Variants in SEPTIN9 observed in about 807,000 individuals in gnomAD.
SEPTIN9 encodes the protein septin-9.
A neutral mutation model predicts 56.6 loss-of-function variants in SEPTIN9; 13 were observed. That is an observed-to-expected ratio of 0.23 (90% CI 0.15 to 0.37). The LOEUF is 0.37. SEPTIN9 is among the 10% of genes least tolerant of loss of function. The pLI is 1.00. For missense variants in SEPTIN9, 650 were observed against 823.1 expected (o/e 0.79, Z 2.57); for synonymous variants, 332 against 334.1 (o/e 0.99, Z 0.07).
intron 2 of SEPTIN9, among the ~76,000 whole-genome samples, chr17:77,395,488 C>T (rs1256412740): frequency 6.7e-6 from 1 of 149,646 alleles, no homozygotes; most frequent in Non-Finnish European, 1.5e-5. Flanking sequence ...GAGATTGCGC[C>T]ACTGCACTCC....
chr17:77,423,883 G>A (rs1452319591), intron 3 of SEPTIN9, among the ~76,000 whole-genome samples: 4 of 152,184 alleles, frequency 2.6e-5, no homozygotes, highest in Non-Finnish European at 1.5e-5. Context: ...TGCTCTGGAA[G>A]CAGGTGCCAG....
At chr17:77,406,724 G>A (rs2036092714) in intron 3 of SEPTIN9, among the ~76,000 whole-genome samples, 1 of 151,776 alleles carries the variant, frequency 6.6e-6, no homozygotes, top group African/African-American at 2.4e-5. Flanking sequence ...AGGCTGGAGT[G>A]CAGTGGCATG....
intron 1 of SEPTIN9, among the ~76,000 whole-genome samples, chr17:77,289,434 G>GT (rs1441990038): frequency 1.6e-5 from 2 of 122,912 alleles, no homozygotes; most frequent in Non-Finnish European, 3.3e-5. Context: ...TTGAGATGGA[G>GT]TTTCGCTCTT....
chr17:77,497,190 C>A, intron 10 of SEPTIN9, 125 bp from the exon 11 acceptor site: 1 of 948,860 alleles, frequency 1.1e-6, no homozygotes. Context: ...CCCTGCCCTC[C>A]TGCCCATGGG....
intron 3 of SEPTIN9, among the ~76,000 whole-genome samples, chr17:77,406,274 T>C (rs60111227): frequency 0.093 from 14,219 of 152,160 alleles, 1,841 homozygotes; most frequent in African/African-American, 0.28. Flanking sequence ...CCTTGGTCTC[T>C]CACACCTTTC....
In SEPTIN9 at chr17:77,405,285, C is replaced by T. The variant is rs139317323; in HGVS notation, c.721+2582C>T. The T allele has an allele frequency of 7.5e-3, 4,990 of 668,578 alleles. 179 individuals are homozygous for T. Among genetic ancestry groups the T allele is most frequent in the South Asian group, 0.063 (3,353 of 53,068 alleles). 41.4% of individuals were successfully genotyped at this position (668,578 alleles called of 1,614,324 possible). On this transcript the variant is annotated intron_variant, in intron 3 of 11. Coordinates refer to ENST00000427177, the MANE Select transcript of SEPTIN9 (RefSeq NM_001113491.2). This position sits in a 1 kb window ranked among gnomAD's most constrained non-coding sequence, Gnocchi z 5.8. ...CTCTGCTTTCTGGAGCTCACCGAGC[C>T]GTGAGCAGGATGGCTGGGACACAAG...
At chr17:77,440,010 C>A (rs754028626) in intron 3 of SEPTIN9, among the ~76,000 whole-genome samples, 12 of 152,176 alleles carry the variant, frequency 7.9e-5, no homozygotes, top group Non-Finnish European at 1.3e-4. Context: ...CTGATGCTGC[C>A]AGCACCCAGG....
intron 2 of SEPTIN9, among the ~76,000 whole-genome samples, chr17:77,314,343 T>A (rs1366171477): frequency 1.5e-3 from 12 of 8,270 alleles, no homozygotes; most frequent in African/African-American, 2.5e-3. Flanking sequence ...TGCCTGGACT[T>A]TTTTTTTTTT....
chr17:77,433,098 C>A lies in SEPTIN9; in HGVS notation c.721+30395C>A, dbSNP rs1410941071. 1.3e-5 allele frequency among the ~76,000 whole-genome samples: 2 copies of A among 152,240 alleles called. No homozygotes were observed. Among genetic ancestry groups the A allele is most frequent in the Non-Finnish European group, 2.9e-5 (2 of 68,044 alleles). On this transcript the variant is annotated intron_variant, in intron 3 of 11. Transcript: ENST00000427177. The surrounding 1 kb of genome is among the most constrained non-coding windows in gnomAD (Gnocchi z 6.4). Reference sequence around the variant, plus strand: ...TTGGCCTGAGAGACAGAAACCCCAACTCTGAATGGCTTCAGCCCTCAAGAG... The same window carrying A: ...TTGGCCTGAGAGACAGAAACCCCAAATCTGAATGGCTTCAGCCCTCAAGAG...
intron 4 of SEPTIN9, chr17:77,482,560 C>A (rs1481044960): frequency 1.4e-6 from 1 of 696,608 alleles, no homozygotes; most frequent in Non-Finnish European, 2.6e-6. Flanking sequence ...CATCCAGGGC[C>A]CCTGAGATGA....
chr17:77,327,173 C>A lies in SEPTIN9; in HGVS notation c.76+19976C>A, dbSNP rs1187541129. Among the ~76,000 whole-genome samples the A allele has an allele frequency of 6.6e-6, 1 of 152,160 alleles. No homozygotes were observed. The highest frequency in any genetic ancestry group is 6.5e-5 in the Admixed American group (1 of 15,280). ...TTACCTCTGGCAATGCCTCCCTCTC[C>A]TGGGCTCCTGGGACCCCTCCGGCCC... On this transcript the variant is annotated intron_variant, in intron 2 of 11. Transcript: ENST00000427177. This position sits in a 1 kb window ranked among gnomAD's most constrained non-coding sequence, Gnocchi z 5.0.
At chr17:77,320,298 T>C (rs753678465) in intron 2 of SEPTIN9, 1 of 1,611,952 alleles carries the variant, frequency 6.2e-7, no homozygotes, top group South Asian at 1.1e-5. Context: ...ACGCCGGGAC[T>C]CCCGCCGCTG....
rs893989857 is a variant in SEPTIN9 at position 77,319,867 on chromosome 17, G to A, written c.76+12670G>A. 7.5e-5 allele frequency: 82 copies of A among 1,094,984 alleles called. No homozygotes were observed. The highest frequency in any genetic ancestry group is 9.4e-5 in the Admixed American group (2 of 21,210). The allele number at this position is 1,094,984 out of a possible 1,614,324, so 67.8% of individuals were successfully genotyped here. On this transcript the variant is annotated intron_variant, in intron 2 of 11. Coordinates refer to ENST00000427177, the MANE Select transcript of SEPTIN9 (RefSeq NM_001113491.2). The surrounding 1 kb of genome is among the most constrained non-coding windows in gnomAD (Gnocchi z 5.3). ...AGTGGATATTAAAAAGGAGCAGCAA[G>A]CCTCGGGGCGGCGGGGGCTGGAGGA...
chr17:77,491,053 C>A (rs897097410), intron 8 of SEPTIN9, among the ~76,000 whole-genome samples, 194 bp downstream of exon 8: 1 of 152,182 alleles, frequency 6.6e-6, no homozygotes, highest in African/African-American at 2.4e-5. Flanking sequence ...GATGGCCTCT[C>A]CAGCTCCCCC....
At position 77,326,373 on chromosome 17, in the gene SEPTIN9, C is replaced by G. The variant is rs2033140484; in HGVS notation, c.76+19176C>G. On this transcript the variant is annotated intron_variant, in intron 2 of 11. Coordinates refer to ENST00000427177, the MANE Select transcript of SEPTIN9 (RefSeq NM_001113491.2). This position sits in a 1 kb window ranked among gnomAD's most constrained non-coding sequence, Gnocchi z 5.1. ...GAAGTGACAGGTGTGACAAAGGGGA[C>G]CAGTGGCAGGACAGAACCTGCGGTT... Among the ~76,000 whole-genome samples, 1 of 151,574 alleles carries G rather than the reference C, an allele frequency of 6.6e-6. No individual in the cohort carries two copies. Among genetic ancestry groups the G allele is most frequent in the South Asian group, 2.1e-4 (1 of 4,804 alleles).
intron 5 of SEPTIN9, 98 bp from the exon 6 acceptor site, chr17:77,488,142 C>T (rs2039873665): frequency 2.5e-5 from 27 of 1,090,146 alleles, no homozygotes; most frequent in South Asian, 1.9e-4. Flanking sequence ...TGGTTGTCAT[C>T]GCTGCCTACC....
At chr17:77,461,076 G>A (rs1598410668) in intron 3 of SEPTIN9, among the ~76,000 whole-genome samples, 1 of 152,060 alleles carries the variant, frequency 6.6e-6, no homozygotes, top group Non-Finnish European at 1.5e-5. Flanking sequence ...AGGCTGAGGC[G>A]GGTGGATCAC....
chr17:77,303,454 C>A (rs1043757901), intron 1 of SEPTIN9, among the ~76,000 whole-genome samples: 1 of 151,376 alleles, frequency 6.6e-6, no homozygotes, highest in African/African-American at 2.4e-5. Context: ...GTGACTAACG[C>A]CTGTAATCCG....
Position 77,402,507 on chromosome 17 carries a change from G to A in SEPTIN9, c.525G>A (p.Val175=). ...CCCCTGCCTCCAAGGTCCCCGAGGT[G>A]CCCACTGCCCCTGCCACCGACGCAG... ...MEPPASKVPE[V]PTAPATDAAP... is the part of the protein sequence containing the mutation. The change falls in exon 3 of 12, where the codon GTG becomes GTA. Residue 175 remains valine (V), a synonymous_variant. Coordinates refer to ENST00000427177, the MANE Select transcript of SEPTIN9 (RefSeq NM_001113491.2). The surrounding 1 kb of genome is among the most constrained non-coding windows in gnomAD (Gnocchi z 6.6). 4 of 1,603,570 alleles carry A rather than the reference G, an allele frequency of 2.5e-6. No homozygotes were observed. Among genetic ancestry groups the A allele is most frequent in the Non-Finnish European group, 3.4e-6 (4 of 1,175,632 alleles).
Sources: allele counts gnomAD v4.1 joint callset (sites outside exome capture counted in the v4.1 genomes callset), GRCh38; gene constraint gnomAD v4.1.1; non-coding constraint Gnocchi (gnomAD v3.1); transcripts MANE v1.5; gene names NCBI Gene and HGNC (gene_info 2026-07-23, HGNC 2026-07-21).